The following MACROD2 variants were observed in gnomAD, a reference collection of about 807,000 sequenced individuals.
The protein encoded by MACROD2 is ADP-ribose glycohydrolase MACROD2.
MACROD2 carries 36 observed loss-of-function variants against 70.4 expected under a neutral mutation model. The observed-to-expected ratio is 0.51, with a 90% CI of 0.39 to 0.68. The LOEUF is 0.68. Among genes scored for constraint, MACROD2 ranks in the 30% least tolerant of loss-of-function variants. MACROD2 has a pLI of 0.00. For missense variants in MACROD2, 496 were observed against 538.4 expected (o/e 0.92, Z 0.78); for synonymous variants, 172 against 178.8 (o/e 0.96, Z 0.30).
intron 10 of MACROD2, among the ~76,000 whole-genome samples, chr20:15,912,420 G>A (rs1318300369): frequency 6.6e-6 from 1 of 152,158 alleles, no homozygotes; most frequent in Admixed American, 6.5e-5. Context: ...AAGCCATGGT[G>A]TCCTCAGGAT....
intron 8 of MACROD2, among the ~76,000 whole-genome samples, chr20:15,788,541 T>C (rs763807185): frequency 6.6e-6 from 1 of 152,222 alleles, no homozygotes; most frequent in African/African-American, 2.4e-5. Flanking sequence ...TTAGTTTATG[T>C]AGTGAAGGTG....
chr20:14,360,970 T>G (rs1324385927), intron 3 of MACROD2, among the ~76,000 whole-genome samples: 1 of 152,228 alleles, frequency 6.6e-6, no homozygotes, highest in Non-Finnish European at 1.5e-5. Context: ...CGAGTCAAGA[T>G]CTGAAAAGCA....
intron 7 of MACROD2, among the ~76,000 whole-genome samples, chr20:15,458,149 G>A (rs1180411148): frequency 6.6e-6 from 1 of 152,026 alleles, no homozygotes; most frequent in African/African-American, 2.4e-5. Flanking sequence ...TATAATGCTT[G>A]GTTTCAAACT....
At chr20:15,526,304 T>C (rs970267784) in intron 8 of MACROD2, among the ~76,000 whole-genome samples, 3 of 152,108 alleles carry the variant, frequency 2.0e-5, no homozygotes, top group African/African-American at 7.2e-5. Flanking sequence ...TTTGAAACAA[T>C]TAGATGACAA....
intron 8 of MACROD2, among the ~76,000 whole-genome samples, chr20:15,654,405 C>A (rs1030761564): frequency 6.6e-6 from 1 of 152,164 alleles, no homozygotes; most frequent in African/African-American, 2.4e-5. Context: ...GCATAAGGCC[C>A]AGAGGAGATG....
chr20:15,555,308 T>C (rs2048152140), intron 8 of MACROD2, among the ~76,000 whole-genome samples: 1 of 152,178 alleles, frequency 6.6e-6, no homozygotes, highest in Non-Finnish European at 1.5e-5. Context: ...AGAGTCATAA[T>C]GGGATTTGAA....
At chr20:14,594,864 C>T (rs2080213399) in intron 4 of MACROD2, among the ~76,000 whole-genome samples, 1 of 152,136 alleles carries the variant, frequency 6.6e-6, no homozygotes, top group Admixed American at 6.5e-5. Context: ...TGCACTCCAG[C>T]CTGGATGAAA....
intron 5 of MACROD2, among the ~76,000 whole-genome samples, chr20:14,829,378 C>T (rs2072938950): frequency 6.6e-6 from 1 of 151,822 alleles, no homozygotes; most frequent in Admixed American, 6.6e-5. Flanking sequence ...GATCCACCCG[C>T]CTCGGCCTCC....
intron 8 of MACROD2, among the ~76,000 whole-genome samples, chr20:15,650,081 C>G (rs1010103408): frequency 6.6e-6 from 1 of 152,106 alleles, no homozygotes; most frequent in African/African-American, 2.4e-5. Context: ...TCTCTGCTTA[C>G]TTGATGTGAC....
chr20:15,904,880 C>CA (rs10556594), intron 10 of MACROD2, among the ~76,000 whole-genome samples: 3,325 of 128,542 alleles, frequency 0.026, 134 homozygotes, highest in African/African-American at 0.082. Flanking sequence ...GACTCTGTCT[C>CA]AAAAAAAAAA....
chr20:14,329,198 C>CTGAAAT (rs2082790228), intron 3 of MACROD2: 1 of 152,020 alleles, frequency 6.6e-6, no homozygotes, highest in Non-Finnish European at 1.5e-5. Flanking sequence ...CTGGTGCAGT[C>CTGAAAT]ACGTTATACA....
intron 4 of MACROD2, among the ~76,000 whole-genome samples, chr20:14,510,754 A>G (rs918161236): frequency 1.3e-5 from 2 of 152,114 alleles, no homozygotes; most frequent in African/African-American, 4.8e-5. Context: ...TGATTTCCCT[A>G]TCCCATGCAT....
chr20:14,062,687 C>T (rs1601175130), intron 2 of MACROD2, among the ~76,000 whole-genome samples: 2 of 151,820 alleles, frequency 1.3e-5, no homozygotes, highest in South Asian at 2.1e-4. Context: ...GTGAATGTCA[C>T]GGGGAGAAAA....
At chr20:16,004,118 G>C (rs2066753522) in intron 15 of MACROD2, among the ~76,000 whole-genome samples, 5 of 152,114 alleles carry the variant, frequency 3.3e-5, no homozygotes, top group African/African-American at 9.7e-5. Context: ...TAGCGTCACT[G>C]TGGACCCCCA....
At chr20:14,599,632 C>T (rs919002641) in intron 4 of MACROD2, among the ~76,000 whole-genome samples, 4 of 152,010 alleles carry the variant, frequency 2.6e-5, no homozygotes, top group South Asian at 2.1e-4. Context: ...AGCAGCAGTG[C>T]GTAGGATGGC....
intron 5 of MACROD2, among the ~76,000 whole-genome samples, chr20:15,169,308 AG>A (rs997784587): frequency 2.6e-5 from 4 of 152,160 alleles, no homozygotes; most frequent in Admixed American, 2.0e-4. Flanking sequence ...CATCAGATGG[AG>A]GGGAAGAGGA....
chr20:14,712,822 A>G lies in MACROD2; in HGVS notation c.418+27863A>G, dbSNP rs541275642. Among the ~76,000 whole-genome samples, 3 of 152,296 alleles carry G rather than the reference A, an allele frequency of 2.0e-5. No homozygotes were observed. In the East Asian group the frequency reaches 5.8e-4, roughly 29 times the overall value. ...AATAGGAGGATTAATGGCTCAGAGC[A>G]GAAATGTTTGCTTGTTGGACAATAG... On this transcript the variant is annotated intron_variant, in intron 5 of 17. Coordinates refer to ENST00000684519, the MANE Select transcript of MACROD2 (RefSeq NM_001351661.2).
At chr20:15,192,992 A>G (rs556373204) in intron 5 of MACROD2, among the ~76,000 whole-genome samples, 3 of 152,336 alleles carry the variant, frequency 2.0e-5, no homozygotes, top group Admixed American at 6.5e-5. Context: ...CAGAGCTGTC[A>G]GCTTTGTGCT....
At chr20:14,411,608 A>G (rs2083750058) in intron 3 of MACROD2, among the ~76,000 whole-genome samples, 2 of 152,192 alleles carry the variant, frequency 1.3e-5, no homozygotes, top group South Asian at 2.1e-4. Flanking sequence ...ACTAAGAATT[A>G]GTATCACAGT....
Sources: allele counts gnomAD v4.1 joint callset (sites outside exome capture counted in the v4.1 genomes callset), GRCh38; gene constraint gnomAD v4.1.1; transcripts MANE v1.5; gene names NCBI Gene and HGNC (gene_info 2026-07-23, HGNC 2026-07-21).